The following TRIM42 variants were observed in gnomAD, a reference collection of about 807,000 sequenced individuals.
TRIM42 encodes tripartite motif containing 42.
A neutral mutation model predicts 64.9 loss-of-function variants in TRIM42; 59 were observed. The observed-to-expected ratio is 0.91, with a 90% CI of 0.74 to 1.13. TRIM42 has a LOEUF of 1.13. TRIM42 is among the 50% of genes most tolerant of loss of function. The pLI is 0.00. For missense variants in TRIM42, 878 were observed against 929.5 expected (o/e 0.94, Z 0.72); for synonymous variants, 354 against 346.3 (o/e 1.02, Z -0.25).
intron 4 of TRIM42, among the ~76,000 whole-genome samples, chr3:140,698,314 T>C (rs556201044): frequency 6.6e-6 from 1 of 152,366 alleles, no homozygotes; most frequent in African/African-American, 2.4e-5. Flanking sequence ...ATGGTATTTT[T>C]GTAATATGTT....
At chr3:140,679,440 A>G (rs1988303994) in intron 1 of TRIM42, among the ~76,000 whole-genome samples, 1 of 152,236 alleles carries the variant, frequency 6.6e-6, no homozygotes. Flanking sequence ...TGACAGCACC[A>G]TAAGATGACA....
intron 3 of TRIM42, among the ~76,000 whole-genome samples, chr3:140,689,057 A>T (rs1172243671): frequency 6.6e-6 from 1 of 152,186 alleles, no homozygotes; most frequent in Non-Finnish European, 1.5e-5. Context: ...AACTCTTCTG[A>T]GATTCAACCC....
chr3:140,694,093 A>G lies in TRIM42; in HGVS notation c.2085+2901A>G, dbSNP rs531212138. On this transcript the variant is annotated intron_variant, in intron 4 of 4. Transcript: ENST00000286349. ...CCACAGTCCTTTGTTCCCCTGCACC[A>G]TGCTCAAATGGAACTAAGTCTGGAA... 2.0e-5 allele frequency among the ~76,000 whole-genome samples: 3 copies of G among 152,332 alleles called. No individual in the cohort carries two copies. In the South Asian group the frequency reaches 6.2e-4, roughly 32 times the overall value.
At chr3:140,697,770 G>A (rs1156390215) in intron 4 of TRIM42, among the ~76,000 whole-genome samples, 9 of 152,150 alleles carry the variant, frequency 5.9e-5, no homozygotes, top group East Asian at 3.8e-4. Context: ...TGCAAGCTCC[G>A]CCTCCTGGGT....
intron 1 of TRIM42, 89 bp from the exon 2 acceptor site, chr3:140,682,373 T>C: frequency 7.4e-7 from 1 of 1,351,974 alleles, no homozygotes; most frequent in Admixed American, 2.0e-5. Flanking sequence ...AGACTGCCCC[T>C]CAGGAACCAA....
chr3:140,683,518 A>G (rs908676221), intron 2 of TRIM42, among the ~76,000 whole-genome samples: 2 of 152,212 alleles, frequency 1.3e-5, no homozygotes, highest in Admixed American at 1.3e-4. Flanking sequence ...TCATGTCCTC[A>G]GGTCTCATTT....
Position 140,682,466 on chromosome 3 carries a change from A to G in TRIM42, c.346A>G (p.Lys116Glu), listed in dbSNP as rs1988423514. 6.2e-7 allele frequency: 1 copy of G among 1,611,544 alleles called. No individual in the cohort carries two copies. The change falls in exon 2 of 5, where the codon AAG (lysine) becomes GAG (glutamate). Residue 116 changes from lysine (K) to glutamate (E), a missense_variant. Coordinates refer to ENST00000286349, the MANE Select transcript of TRIM42 (RefSeq NM_152616.5). ...GRLRSIHTSS[K>E]TALRTGSSDT... Reference sequence around the variant, plus strand: ...TGCCTTTGCTTCTCCTTTCAGCTCCAAGACTGCCCTGCGCACTGGGAGCAG... The same window carrying G: ...TGCCTTTGCTTCTCCTTTCAGCTCCGAGACTGCCCTGCGCACTGGGAGCAG...
chr3:140,679,280 A>G lies in TRIM42; in HGVS notation c.341+710A>G, dbSNP rs116695608. On this transcript the variant is annotated intron_variant, in intron 1 of 4. Transcript: ENST00000286349. Reference sequence around the variant, plus strand: ...CTTCTTTTTCCCATCCAGAAGTCATAGTACTTAGGGTCTCAATTATTCATT... The same window carrying G: ...CTTCTTTTTCCCATCCAGAAGTCATGGTACTTAGGGTCTCAATTATTCATT... Among the ~76,000 whole-genome samples, 941 of 152,312 alleles carry G rather than the reference A, an allele frequency of 6.2e-3. 6 individuals carry two copies. The highest frequency in any genetic ancestry group is 9.0e-3 in the Non-Finnish European group (614 of 68,032).
chr3:140,689,250 A>G (rs1988645661), intron 3 of TRIM42, among the ~76,000 whole-genome samples: 1 of 152,222 alleles, frequency 6.6e-6, no homozygotes, highest in Admixed American at 6.5e-5. Flanking sequence ...TGTTTGTAGA[A>G]CACTTTATTA....
rs749187634 is a variant in TRIM42 at position 140,678,446 on chromosome 3, G to T, written c.217G>T (p.Asp73Tyr). ...TTGGTGTTGCTGCTCTTGGGCCAAT[G>T]ATCCCAACTGTAAGTGCTGCTGCAC... is the stretch of plus-strand genomic sequence containing the variant. ...CHWCCCSWANDPNCKCCCTAS... is the reference protein window; with the variant it reads ...CHWCCCSWANYPNCKCCCTAS... The change falls in exon 1 of 5, where the codon GAT becomes TAT. Residue 73 changes from aspartate to tyrosine, a missense_variant. Transcript: ENST00000286349. 3 of 1,614,162 alleles carry T rather than the reference G, an allele frequency of 1.9e-6. No homozygotes were observed. The highest frequency in any genetic ancestry group is 2.5e-6 in the Non-Finnish European group (3 of 1,180,022).
intron 2 of TRIM42, among the ~76,000 whole-genome samples, chr3:140,686,428 G>A (rs531222906): frequency 6.7e-6 from 1 of 148,196 alleles, no homozygotes; most frequent in East Asian, 1.9e-4. Flanking sequence ...TGACACTGCT[G>A]GCATTCACCA....
chr3:140,687,808 A>T lies in TRIM42; in HGVS notation c.1126A>T (p.Ile376Phe). Residue 376 changes from isoleucine (I) to phenylalanine (F), a missense_variant, in exon 3 of 5, where the codon ATC (isoleucine) becomes TTC (phenylalanine). By Grantham distance (21) the Ile-to-Phe change is conservative (BLOSUM62 0). Coordinates refer to ENST00000286349, the MANE Select transcript of TRIM42 (RefSeq NM_152616.5). ...KADKEAKRKE[I>F]RNGFLKLRSI... ...TGACAAGGAGGCAAAGCGAAAAGAG[A>T]TCAGAAATGGCTTTCTCAAGTTGCG... The T allele has an allele frequency of 6.2e-7, 1 of 1,614,268 alleles. No homozygotes were observed. Among genetic ancestry groups the T allele is most frequent in the Non-Finnish European group, 8.5e-7 (1 of 1,180,046 alleles).
At position 140,682,652 on chromosome 3, in the gene TRIM42, G is replaced by C; in HGVS notation, c.532G>C (p.Glu178Gln). Residue 178 changes from glutamate to glutamine, a missense_variant, in exon 2 of 5, where the codon GAG becomes CAG. Physicochemically the swap from Glu to Gln is conservative, Grantham distance 29. Coordinates refer to ENST00000286349, the MANE Select transcript of TRIM42 (RefSeq NM_152616.5). ...CCTGCGGCAGCTGCAGAAGCACGCCGAGGTCACCGAGAACTTCTTCATCCT... is the reference window on the plus strand; with the variant it reads ...CCTGCGGCAGCTGCAGAAGCACGCCCAGGTCACCGAGAACTTCTTCATCCT... ...KCLRQLQKHA[E>Q]VTENFFILIC... The C allele has an allele frequency of 6.2e-7, 1 of 1,613,472 alleles. No individual in the cohort carries two copies. The highest frequency in any genetic ancestry group is 1.3e-5 in the African/African-American group (1 of 75,042).
At chr3:140,685,226 G>A (rs1988520458) in intron 2 of TRIM42, among the ~76,000 whole-genome samples, 1 of 152,114 alleles carries the variant, frequency 6.6e-6, no homozygotes, top group South Asian at 2.1e-4. Context: ...CAAGTGATCT[G>A]GGAATACACA....
intron 4 of TRIM42, among the ~76,000 whole-genome samples, chr3:140,693,001 G>T (rs1011793201): frequency 6.6e-6 from 1 of 152,130 alleles, no homozygotes; most frequent in African/African-American, 2.4e-5. Context: ...TGAAATTATG[G>T]ACTCCTTGAG....
In TRIM42 at chr3:140,681,918, AG is replaced by A. The variant is rs1387037354; in HGVS notation, c.342-541del. 2.0e-5 allele frequency among the ~76,000 whole-genome samples: 3 copies of A among 151,786 alleles called. No homozygotes were observed. In the East Asian group the frequency reaches 5.8e-4, roughly 29 times the overall value. On this transcript the variant is annotated intron_variant, in intron 1 of 4. Coordinates refer to ENST00000286349, the MANE Select transcript of TRIM42 (RefSeq NM_152616.5). ...TTTGGTTAAAAAAAAAAAATCAACC[AG>A]GGTCAGGGGCCGTTGGATCATTTTT...
Position 140,688,375 on chromosome 3 carries a change from G to A in TRIM42, c.1693G>A (p.Ala565Thr), listed in dbSNP as rs144483353. 7.7e-5 allele frequency: 125 copies of A among 1,614,004 alleles called. 1 individual carries two copies. In the African/African-American group the frequency reaches 1.4e-3, roughly 18 times the overall value. The change falls in exon 3 of 5, where the codon GCC (alanine) becomes ACC (threonine). Residue 565 changes from alanine to threonine, a missense_variant. By Grantham distance (58) the Ala-to-Thr change is moderately conservative. Coordinates refer to ENST00000286349, the MANE Select transcript of TRIM42 (RefSeq NM_152616.5). ...ACGRAQSATP[A>T]KPTDGLYTYW... ...TGGGAGAGCCCAGTCAGCCACCCCC[G>A]CCAAACCCACAGACGGCCTCTACAC...
chr3:140,680,790 A>C (rs74884409), intron 1 of TRIM42: 78,692 of 727,024 alleles, frequency 0.11, 4,865 homozygotes, highest in Non-Finnish European at 0.12. Flanking sequence ...TAATATACAC[A>C]GGGAGCATTC....
chr3:140,697,719 T>C (rs1468427732), intron 4 of TRIM42, among the ~76,000 whole-genome samples: 4 of 152,256 alleles, frequency 2.6e-5, no homozygotes, highest in Non-Finnish European at 5.9e-5. Flanking sequence ...AGTCTCGCTC[T>C]GTCGCCCAGG....
Sources: allele counts gnomAD v4.1 joint callset (sites outside exome capture counted in the v4.1 genomes callset), GRCh38; gene constraint gnomAD v4.1.1; transcripts MANE v1.5; gene names NCBI Gene and HGNC (gene_info 2026-07-23, HGNC 2026-07-21).